CPPED1: variants seen among roughly 807,000 people sequenced by gnomAD.
CPPED1 encodes the protein calcineurin like phosphoesterase domain containing 1, also known as serine/threonine-protein phosphatase CPPED1.
In CPPED1, 28 loss-of-function variants were observed where a neutral mutation model predicts 28.0. The observed-to-expected ratio is 1.00, with a 90% CI of 0.74 to 1.37. The LOEUF is 1.37. CPPED1 is among the 40% of genes most tolerant of loss of function. The probability of loss-of-function intolerance (pLI) is 0.00; values close to 1 mark genes in which losing one functional copy is unlikely to be tolerated. For synonymous variants in CPPED1, 198 were observed against 180.2 expected (o/e 1.10, Z -0.79); for missense variants, 504 against 416.5 (o/e 1.21, Z -1.83).
intron 3 of CPPED1, among the ~76,000 whole-genome samples, chr16:12,666,183 G>C (rs2079824929): frequency 6.6e-6 from 1 of 151,916 alleles, no homozygotes; most frequent in Admixed American, 6.6e-5. Context: ...TCTGACATAT[G>C]ATCAACCCCC....
intron 3 of CPPED1, among the ~76,000 whole-genome samples, chr16:12,697,904 G>T (rs2141182864): frequency 6.6e-6 from 1 of 152,300 alleles, no homozygotes; most frequent in South Asian, 2.1e-4. Flanking sequence ...TTGAGGTCAG[G>T]AGTTTGCGAC....
chr16:12,797,675 A>C (rs1382600552), intron 1 of CPPED1, among the ~76,000 whole-genome samples: 1 of 152,212 alleles, frequency 6.6e-6, no homozygotes, highest in African/African-American at 2.4e-5. Context: ...CCACACATGA[A>C]ATACACTAAC....
chr16:12,799,243 GTTTT>G (rs200948126), intron 1 of CPPED1, among the ~76,000 whole-genome samples: 1 of 135,214 alleles, frequency 7.4e-6, no homozygotes. Context: ...GGAAAAGTCA[GTTTT>G]TTTTTTTTTT....
At chr16:12,688,514 T>A (rs766734929) in intron 3 of CPPED1, among the ~76,000 whole-genome samples, 5 of 152,204 alleles carry the variant, frequency 3.3e-5, no homozygotes, top group African/African-American at 1.2e-4. Context: ...AACTTTTGTA[T>A]TTTTAGTAGA....
At chr16:12,730,714 C>T (rs2080192734) in intron 2 of CPPED1, among the ~76,000 whole-genome samples, 1 of 152,220 alleles carries the variant, frequency 6.6e-6, no homozygotes, top group African/African-American at 2.4e-5. Context: ...CGCATGATTT[C>T]ATTTTTATGA....
chr16:12,683,990 T>G (rs953165720), intron 3 of CPPED1, among the ~76,000 whole-genome samples: 1 of 152,126 alleles, frequency 6.6e-6, no homozygotes, highest in African/African-American at 2.4e-5. Context: ...TTCCGGGCAC[T>G]GGGTCCAAGT....
At chr16:12,777,186 G>A (rs2080502828) in intron 2 of CPPED1, among the ~76,000 whole-genome samples, 1 of 152,150 alleles carries the variant, frequency 6.6e-6, no homozygotes, top group Non-Finnish European at 1.5e-5. Flanking sequence ...AACTCTTCAA[G>A]GAAACTTTAT....
chr16:12,795,461 T>A (rs1294726329), intron 1 of CPPED1, among the ~76,000 whole-genome samples: 1 of 152,154 alleles, frequency 6.6e-6, no homozygotes, highest in African/African-American at 2.4e-5. Context: ...TGCCTCAGCC[T>A]CCAGAGTAGC....
At chr16:12,738,017 G>C (rs923164567) in intron 2 of CPPED1, among the ~76,000 whole-genome samples, 1 of 152,188 alleles carries the variant, frequency 6.6e-6, no homozygotes, top group Non-Finnish European at 1.5e-5. Context: ...TGGTTAACAC[G>C]GTACCCGACG....
At position 12,682,510 on chromosome 16, in the gene CPPED1, G is replaced by A. The variant is rs2079910571; in HGVS notation, c.716-17395C>T. ...GCCTGGGGTGGGAGCTAGGGGTTGG[G>A]AGACTCAGGCGTGAACCTCAGTTCT... is the stretch of plus-strand genomic sequence containing the variant. On this transcript the variant is annotated intron_variant, in intron 3 of 3. Transcript: ENST00000381774. This position sits in a 1 kb window ranked among gnomAD's most constrained non-coding sequence, Gnocchi z 6.1. Among the ~76,000 whole-genome samples the A allele has an allele frequency of 6.6e-6, 1 of 152,168 alleles. No homozygotes were observed. Among genetic ancestry groups the A allele is most frequent in the Non-Finnish European group, 1.5e-5 (1 of 68,022 alleles).
rs1258219034 is a variant in CPPED1 at position 12,664,747 on chromosome 16, T to C, written c.*139A>G. ...AATTCAGGACAGGGCCCCAGCTCTCTGATTTATGCAAAAGGACATAAATTC... is the reference window on the plus strand; with the variant it reads ...AATTCAGGACAGGGCCCCAGCTCTCCGATTTATGCAAAAGGACATAAATTC... On this transcript the variant is annotated 3_prime_UTR_variant, in exon 4 of 4. Transcript: ENST00000381774. The surrounding 1 kb of genome is among the most constrained non-coding windows in gnomAD (Gnocchi z 4.2). The C allele has an allele frequency of 1.3e-6, 2 of 1,493,308 alleles. No homozygotes were observed. The highest frequency in any genetic ancestry group is 1.8e-6 in the Non-Finnish European group (2 of 1,133,068). 92.5% of individuals were successfully genotyped at this position (1,493,308 alleles called of 1,614,324 possible). A position where few individuals can be genotyped will look rare whatever the true frequency, so the allele number is the denominator to read the frequency against.
chr16:12,674,526 G>A (rs544225717), intron 3 of CPPED1, among the ~76,000 whole-genome samples: 1 of 152,284 alleles, frequency 6.6e-6, no homozygotes, highest in East Asian at 1.9e-4. Context: ...CCTCCAGTAA[G>A]GGCAACCGCT....
intron 3 of CPPED1, among the ~76,000 whole-genome samples, chr16:12,677,955 A>G (rs944057324): frequency 1.3e-5 from 2 of 152,216 alleles, no homozygotes; most frequent in South Asian, 4.1e-4. Context: ...GAAAACAGCC[A>G]TAGAAAGTAT....
chr16:12,725,428 A>G (rs2080164764), intron 2 of CPPED1, among the ~76,000 whole-genome samples: 1 of 152,104 alleles, frequency 6.6e-6, no homozygotes, highest in Non-Finnish European at 1.5e-5. Flanking sequence ...CTTTGAAGGG[A>G]CTTGTAAGTG....
In CPPED1 at chr16:12,665,114, A is replaced by G. The variant is rs770209046; in HGVS notation, c.717T>C (p.Gly239=). 1.3e-6 allele frequency: 2 copies of G among 1,589,436 alleles called. No homozygotes were observed. The highest frequency in any genetic ancestry group is 2.3e-5 in the South Asian group (2 of 86,372). ...AGTGGCCTGAGAACACGACTTTGAC[A>G]CCTGCAGAGAAGGGAAAAAGTCATT... ...KKLADKFIHA[G]VKVVFSGHYH... Residue 239 remains glycine, a splice_region_variant and synonymous_variant, in exon 4 of 4, where the codon GGT becomes GGC. Transcript: ENST00000381774.
intron 2 of CPPED1, among the ~76,000 whole-genome samples, chr16:12,714,956 T>C (rs1319561314): frequency 9.0e-6 from 1 of 110,858 alleles, no homozygotes; most frequent in Non-Finnish European, 2.1e-5. Flanking sequence ...CCATTTTGAG[T>C]TCATTTTTTT....
intron 2 of CPPED1, among the ~76,000 whole-genome samples, chr16:12,739,413 C>T (rs2080242921): frequency 6.6e-6 from 1 of 152,208 alleles, no homozygotes; most frequent in Admixed American, 6.5e-5. Context: ...AACTCTGTCT[C>T]TACTAAAAAT....
rs181021482 is a variant in CPPED1, at chr16:12,734,465, C to T, written c.290-29416G>A. On this transcript the variant is annotated intron_variant, in intron 2 of 3. Coordinates refer to ENST00000381774, the MANE Select transcript of CPPED1 (RefSeq NM_018340.3). ...TGCTATCTCAGCTCACTGCAAGCTC[C>T]GCCTCCTGGGTTCACACCATTCTCC... is the stretch of plus-strand genomic sequence containing the variant. 6.7e-3 allele frequency among the ~76,000 whole-genome samples: 1,018 copies of T among 152,064 alleles called. 6 individuals carry two copies. The highest frequency in any genetic ancestry group is 0.034 in the Middle Eastern group (10 of 294).
chr16:12,686,229 A>G (rs1020337964), intron 3 of CPPED1, among the ~76,000 whole-genome samples: 15 of 117,436 alleles, frequency 1.3e-4, no homozygotes, highest in Admixed American at 9.5e-4. Flanking sequence ...TATTAATTGT[A>G]TATATATATA....
Sources: allele counts gnomAD v4.1 joint callset (sites outside exome capture counted in the v4.1 genomes callset), GRCh38; gene constraint gnomAD v4.1.1; non-coding constraint Gnocchi (gnomAD v3.1); transcripts MANE v1.5; gene names NCBI Gene and HGNC (gene_info 2026-07-23, HGNC 2026-07-21).